ATG7: variants seen among roughly 807,000 people sequenced by gnomAD.
The protein encoded by ATG7 is ubiquitin-like modifier-activating enzyme ATG7.
ATG7 carries 70 observed loss-of-function variants against 82.4 expected under a neutral mutation model. The ratio of observed to expected loss-of-function variants is 0.85; its 90% CI spans 0.70 to 1.04. The LOEUF (loss-of-function observed/expected upper bound fraction) is 1.04. Among genes scored for constraint, ATG7 ranks in the 50% least tolerant of loss-of-function variants. ATG7 has a pLI of 0.00. For synonymous variants in ATG7, 287 were observed against 313.0 expected (o/e 0.92, Z 0.88); for missense variants, 792 against 864.3 (o/e 0.92, Z 1.05).
At chr3:11,395,836 A>T (rs1238376082) in intron 19 of ATG7, among the ~76,000 whole-genome samples, 1 of 148,966 alleles carries the variant, frequency 6.7e-6, no homozygotes, top group Non-Finnish European at 1.5e-5. Context: ...GCTACTCGGG[A>T]GGCTGAGGCA....
intron 3 of ATG7, among the ~76,000 whole-genome samples, chr3:11,294,837 G>C (rs548572899): frequency 6.6e-6 from 1 of 152,152 alleles, no homozygotes; most frequent in Non-Finnish European, 1.5e-5. Flanking sequence ...CTCAAAGGCC[G>C]GGAGCAGTGG....
At chr3:11,466,431 C>A (rs191376745) in intron 20 of ATG7, among the ~76,000 whole-genome samples, 1 of 152,180 alleles carries the variant, frequency 6.6e-6, no homozygotes, top group Non-Finnish European at 1.5e-5. Flanking sequence ...GGCAGAGACA[C>A]AAAACAGTCA....
intron 9 of ATG7, among the ~76,000 whole-genome samples, chr3:11,317,917 C>T (rs1478997576): frequency 1.3e-5 from 2 of 152,288 alleles, no homozygotes; most frequent in African/African-American, 2.4e-5. Context: ...TCTACCATTC[C>T]CTTGACCTTG....
At chr3:11,574,254 C>T in the ATG7 span, among the ~76,000 whole-genome samples, 2 of 152,198 alleles carry the variant, frequency 1.3e-5, no homozygotes, top group Admixed American at 6.5e-5. Context: ...ATATTTGCCA[C>T]ACCCATGTTT....
At chr3:11,420,940 A>G (rs1015150363) in intron 19 of ATG7, among the ~76,000 whole-genome samples, 1 of 152,064 alleles carries the variant, frequency 6.6e-6, no homozygotes, top group Admixed American at 6.5e-5. Context: ...TATTTTTAGT[A>G]GAGATGGGGT....
At chr3:11,435,000 T>C (rs560681074) in intron 20 of ATG7, among the ~76,000 whole-genome samples, 8 of 152,320 alleles carry the variant, frequency 5.3e-5, no homozygotes, top group African/African-American at 1.9e-4. Flanking sequence ...GAAATTCTTT[T>C]TTTAAGCCTC....
chr3:11,566,246 T>C, the ATG7 span, among the ~76,000 whole-genome samples: 1 of 152,270 alleles, frequency 6.6e-6, no homozygotes, highest in South Asian at 2.1e-4. Context: ...CACACACGCA[T>C]GTGATAGGCG....
chr3:11,328,583 T>A (rs1951199352), intron 9 of ATG7, among the ~76,000 whole-genome samples: 1 of 152,174 alleles, frequency 6.6e-6, no homozygotes, highest in African/African-American at 2.4e-5. Context: ...TTAAAGAGTG[T>A]CTTTGAAATA....
In ATG7 at chr3:11,557,071, G is replaced by C. The variant is rs969030947; in HGVS notation, c.*2228G>C. On this transcript the variant is annotated 3_prime_UTR_variant, in exon 21 of 21. Transcript: ENST00000693202. ...GAGGTGACCACGCCCACGTCACCTGGTCAGGTGCCATCGTCGTGAGCCTCT... is the reference window on the plus strand; with the variant it reads ...GAGGTGACCACGCCCACGTCACCTGCTCAGGTGCCATCGTCGTGAGCCTCT... 1.3e-5 allele frequency: 2 copies of C among 152,448 alleles called. No individual in the cohort carries two copies. Among genetic ancestry groups the C allele is most frequent in the East Asian group, 3.8e-4 (2 of 5,324 alleles). 9.4% of individuals were successfully genotyped at this position (152,448 alleles called of 1,614,324 possible).
At chr3:11,379,514 C>T (rs2077708641) in intron 18 of ATG7, among the ~76,000 whole-genome samples, 1 of 152,144 alleles carries the variant, frequency 6.6e-6, no homozygotes, top group South Asian at 2.1e-4. Flanking sequence ...CCATTTCGGC[C>T]TTCCACAGTC....
chr3:11,575,053 G>A, the ATG7 span, among the ~76,000 whole-genome samples: 1 of 152,032 alleles, frequency 6.6e-6, no homozygotes, highest in African/African-American at 2.4e-5. Context: ...CTTCTTCAAC[G>A]CTCGTGCCAA....
intron 3 of ATG7, among the ~76,000 whole-genome samples, chr3:11,298,178 TA>T (rs202087285): frequency 0.023 from 3,313 of 141,416 alleles, 64 homozygotes; most frequent in African/African-American, 0.057. Flanking sequence ...CCATCTCAAT[TA>T]AAAAAAAAAA....
intron 20 of ATG7, among the ~76,000 whole-genome samples, chr3:11,436,565 A>G (rs941124963): frequency 6.6e-6 from 1 of 152,218 alleles, no homozygotes; most frequent in African/African-American, 2.4e-5. Flanking sequence ...GTGTATAAAT[A>G]TAGCCCAGAG....
At chr3:11,524,605 AAAT>A (rs978585974) in intron 20 of ATG7, among the ~76,000 whole-genome samples, 4 of 152,132 alleles carry the variant, frequency 2.6e-5, no homozygotes, top group Admixed American at 2.0e-4. Flanking sequence ...CTAAAAATAA[AAAT>A]AATAATAATT....
intron 13 of ATG7, among the ~76,000 whole-genome samples, chr3:11,343,759 T>G (rs1046551339): frequency 3.3e-5 from 5 of 152,206 alleles, no homozygotes; most frequent in Non-Finnish European, 7.4e-5. Context: ...ATCATTTTTC[T>G]GTCTTTATCA....
In ATG7 at chr3:11,500,834, T is replaced by G. The variant is rs572256730; in HGVS notation, c.2080-53977T>G. ...TTACTAGAGACGGGGTTTCACCATG[T>G]TGGCCAAGATGTTCTCGATCTCCTG... On this transcript the variant is annotated intron_variant, in intron 20 of 20. Coordinates refer to ENST00000693202, the MANE Select transcript of ATG7 (RefSeq NM_001349232.2). Among the ~76,000 whole-genome samples the G allele has an allele frequency of 1.7e-3, 254 of 152,356 alleles. 1 individual carries two copies. Among genetic ancestry groups the G allele is most frequent in the African/African-American group, 5.2e-3 (216 of 41,592 alleles).
At chr3:11,346,761 A>C (rs1324020121) in intron 13 of ATG7, among the ~76,000 whole-genome samples, 1 of 152,232 alleles carries the variant, frequency 6.6e-6, no homozygotes, top group South Asian at 2.1e-4. Context: ...TTCTGCCTCC[A>C]TGGTAGGTTG....
intron 20 of ATG7, among the ~76,000 whole-genome samples, chr3:11,514,800 G>T (rs2092212074): frequency 6.6e-6 from 1 of 151,604 alleles, no homozygotes; most frequent in African/African-American, 2.4e-5. Flanking sequence ...TATGTTCCAC[G>T]CAGGAGAAAC....
At chr3:11,420,030 T>G (rs1356401594) in intron 19 of ATG7, among the ~76,000 whole-genome samples, 1 of 152,280 alleles carries the variant, frequency 6.6e-6, no homozygotes, top group Non-Finnish European at 1.5e-5. Context: ...AATTGTGCTA[T>G]GTTTTACATA....
Sources: allele counts gnomAD v4.1 joint callset (sites outside exome capture counted in the v4.1 genomes callset), GRCh38; gene constraint gnomAD v4.1.1; transcripts MANE v1.5; gene names NCBI Gene and HGNC (gene_info 2026-07-23, HGNC 2026-07-21).